Variants in COL3A1 observed in about 807,000 individuals in gnomAD.
The protein encoded by COL3A1 is collagen type III alpha 1 chain.
In COL3A1, 46 loss-of-function variants were observed where a neutral mutation model predicts 200.9. The observed-to-expected ratio is 0.23, with a 90% CI of 0.18 to 0.29. COL3A1 has a LOEUF of 0.29. Ranked by LOEUF, COL3A1 falls within the 10% of genes least tolerant of loss-of-function variation. The probability of loss-of-function intolerance (pLI) is 1.00; values close to 1 mark genes in which losing one functional copy is unlikely to be tolerated. For synonymous variants in COL3A1, 650 were observed against 628.0 expected (o/e 1.03, Z -0.52); for missense variants, 1,367 against 1,917.6 (o/e 0.71, Z 5.36).
intron 41 of COL3A1, 42 bp from the exon 42 acceptor site, chr2:189,006,164 A>C: frequency 6.2e-7 from 1 of 1,602,422 alleles, no homozygotes; most frequent in Non-Finnish European, 8.5e-7. Flanking sequence ...GGCATTTGGA[A>C]GGTTTCAAGA....
chr2:188,985,053 G>T, intron 2 of COL3A1, 91 bp downstream of exon 2: 19 of 1,417,190 alleles, frequency 1.3e-5, no homozygotes, highest in Non-Finnish European at 1.9e-5. Flanking sequence ...GGGAATGAAA[G>T]TCATGTTCAT....
chr2:188,989,564 T>C (rs771473939), intron 8 of COL3A1, 115 bp downstream of exon 8: 37 of 809,036 alleles, frequency 4.6e-5, no homozygotes, highest in Non-Finnish European at 7.5e-5. Context: ...CAAAATATTG[T>C]TGTCTTAACA....
intron 31 of COL3A1, 104 bp downstream of exon 31, chr2:188,999,681 T>C (rs965666440): frequency 7.1e-7 from 1 of 1,406,200 alleles, no homozygotes; most frequent in African/African-American, 1.4e-5. Context: ...AAAATTAATG[T>C]TATCATTTTA....
intron 39 of COL3A1, 32 bp from the exon 40 acceptor site, chr2:189,004,225 A>G (rs1357904559): frequency 6.2e-7 from 1 of 1,601,286 alleles, no homozygotes; most frequent in Non-Finnish European, 8.5e-7. Context: ...CTGTCACATA[A>G]AGATGAGCTA....
At chr2:189,003,575 G>T (rs193012373) in intron 37 of COL3A1, 111 bp downstream of exon 37, 9 of 1,342,386 alleles carry the variant, frequency 6.7e-6, no homozygotes, top group African/African-American at 1.4e-5. Context: ...AATTGTAATC[G>T]CTCATTCATA....
Position 189,005,693 on chromosome 2 carries a change from G to C in COL3A1, c.3039+236G>C, listed in dbSNP as rs1341519628. 1.5e-5 allele frequency: 8 copies of C among 527,278 alleles called. No individual in the cohort carries two copies. In the East Asian group the frequency reaches 2.9e-4, roughly 19 times the overall value. 32.7% of individuals were successfully genotyped at this position (527,278 alleles called of 1,614,324 possible). ...GAAAATATTATCTCTAACTAAATTA[G>C]GAAAAAAGTTAGTGGGGAGAACCAC... On this transcript the variant is annotated intron_variant, in intron 41 of 50. Transcript: ENST00000304636.
Position 188,993,422 on chromosome 2 carries a change from C to G in COL3A1, c.1112C>G (p.Pro371Arg). 3 of 1,562,838 alleles carry G rather than the reference C, an allele frequency of 1.9e-6. No individual in the cohort carries two copies. The highest frequency in any genetic ancestry group is 2.6e-6 in the Non-Finnish European group (3 of 1,152,622). ...GGTGCCCCTGGACAAAGAGGAGAAC[C>G]TGGACCTCAGGGACACGCTGGTGCT... ...SNGAPGQRGE[P>R]GPQGHAGAQG... Residue 371 changes from proline to arginine, a missense_variant, in exon 16 of 51, where the codon CCT becomes CGT. This residue lies in a region of COL3A1 where 462 missense variants were observed against 681.4 expected (regional missense o/e 0.68). Coordinates refer to ENST00000304636, the MANE Select transcript of COL3A1 (RefSeq NM_000090.4).
intron 27 of COL3A1, 84 bp downstream of exon 27, chr2:188,997,837 C>A: frequency 8.2e-7 from 1 of 1,215,748 alleles, no homozygotes; most frequent in Non-Finnish European, 1.2e-6. Context: ...TTATCTGAAG[C>A]TTAACTTGTG....
At chr2:188,990,059 A>G (rs1283537496) in intron 8 of COL3A1, 37 bp from the exon 9 acceptor site, 2 of 1,594,992 alleles carry the variant, frequency 1.3e-6, no homozygotes, top group South Asian at 2.2e-5. Flanking sequence ...ATTTTCTCAT[A>G]CATGAGCACC....
chr2:188,986,387 T>G (rs919551839), intron 4 of COL3A1, among the ~76,000 whole-genome samples: 1 of 152,132 alleles, frequency 6.6e-6, no homozygotes, highest in East Asian at 1.9e-4. Context: ...TTTTGTGAGG[T>G]TAAAAAGTGC....
chr2:189,007,018 T>A (rs376459023), intron 44 of COL3A1, 28 bp downstream of exon 44: 1 of 1,603,068 alleles, frequency 6.2e-7, no homozygotes, highest in Non-Finnish European at 8.5e-7. Context: ...TTGGTTTTAT[T>A]TTGTTTTGTT....
intron 24 of COL3A1, 46 bp from the exon 25 acceptor site, chr2:188,997,119 T>C: frequency 6.5e-7 from 1 of 1,529,384 alleles, no homozygotes; most frequent in Non-Finnish European, 9.0e-7. Context: ...ATATGATTAG[T>C]TATTGCCCTT....
intron 10 of COL3A1, among the ~76,000 whole-genome samples, chr2:188,990,703 A>T (rs1006582623): frequency 5.3e-5 from 8 of 152,166 alleles, no homozygotes; most frequent in African/African-American, 1.9e-4. Flanking sequence ...CGTACATTCA[A>T]CCAACTGTGC....
intron 16 of COL3A1, 123 bp from the exon 17 acceptor site, chr2:188,993,915 G>T (rs1203578722): frequency 3.4e-6 from 3 of 871,178 alleles, no homozygotes; most frequent in Admixed American, 4.0e-5. Flanking sequence ...ATAGTTGGAG[G>T]ATTCACTTAA....
In COL3A1 at chr2:188,978,876, T is replaced by A. The variant is rs183566592; in HGVS notation, c.79+4308T>A. Among the ~76,000 whole-genome samples, 10 of 152,024 alleles carry A rather than the reference T, an allele frequency of 6.6e-5. No homozygotes were observed. In the East Asian group the frequency reaches 1.9e-3, roughly 29 times the overall value. ...ACGGAAAAAATGAGATAGCTATTCTTACATAAATCATTTGTGAACTGCAGT... is the reference window on the plus strand; with the variant it reads ...ACGGAAAAAATGAGATAGCTATTCTAACATAAATCATTTGTGAACTGCAGT... On this transcript the variant is annotated intron_variant, in intron 1 of 50. Transcript: ENST00000304636.
intron 43 of COL3A1, 136 bp from the exon 44 acceptor site, chr2:189,006,801 A>G (rs1035051128): frequency 1.5e-5 from 15 of 972,816 alleles, no homozygotes; most frequent in Admixed American, 1.0e-4. Context: ...GAAGGCAAAA[A>G]CAATATTAAC....
chr2:189,001,121 C>T (rs1010309226), intron 32 of COL3A1, among the ~76,000 whole-genome samples: 1 of 152,134 alleles, frequency 6.6e-6, no homozygotes, highest in African/African-American at 2.4e-5. Flanking sequence ...TACATGACAT[C>T]CTATTTATCT....
intron 1 of COL3A1, among the ~76,000 whole-genome samples, chr2:188,976,857 G>A (rs181930165): frequency 6.0e-4 from 92 of 152,204 alleles, no homozygotes; most frequent in Middle Eastern, 3.4e-3. Context: ...ACAAAGATGC[G>A]TCACCTAGTG....
rs1265276719 is a variant in COL3A1 at position 189,007,483 on chromosome 2, A to G, written c.3256-17A>G. 1.2e-6 allele frequency: 2 copies of G among 1,601,386 alleles called. No homozygotes were observed. The highest frequency in any genetic ancestry group is 3.4e-5 in the Admixed American group (2 of 59,298). ...GTATGTGTGTATATGACTTCAATTC[A>G]AAATATGTTTCTAAAGGGTCCTCAA... On this transcript the variant is annotated splice_polypyrimidine_tract_variant and intron_variant, in intron 44 of 50. Transcript: ENST00000304636.
Sources: allele counts gnomAD v4.1 joint callset (sites outside exome capture counted in the v4.1 genomes callset), GRCh38; gene constraint gnomAD v4.1.1; regional missense constraint gnomAD v4.1.1; transcripts MANE v1.5; gene names NCBI Gene and HGNC (gene_info 2026-07-23, HGNC 2026-07-21).